FILIP1: variants seen among roughly 807,000 people sequenced by gnomAD.
FILIP1 encodes the protein filamin A interacting protein 1.
FILIP1 carries 61 observed loss-of-function variants against 102.1 expected under a neutral mutation model. The ratio of observed to expected loss-of-function variants is 0.60; its 90% CI spans 0.49 to 0.74. The LOEUF (loss-of-function observed/expected upper bound fraction) is 0.74, where lower values mean the gene tolerates loss of function less well. Among genes scored for constraint, FILIP1 ranks in the 30% least tolerant of loss-of-function variants. The pLI, the probability that FILIP1 is intolerant of heterozygous loss-of-function variation, is 0.00. For synonymous variants in FILIP1, 491 were observed against 526.9 expected, an observed-to-expected ratio of 0.93 and a Z score of 0.93; for missense variants, 1,314 against 1,441.2, an observed-to-expected ratio of 0.91 and a Z score of 1.43.
intron 1 of FILIP1, among the ~76,000 whole-genome samples, chr6:75,478,206 A>C (rs1562656196): frequency 6.6e-6 from 1 of 152,200 alleles, no homozygotes; most frequent in Non-Finnish European, 1.5e-5. Flanking sequence ...GCTTGGCTTA[A>C]AATGCTTCAT....
At chr6:75,310,984 T>A (rs1289662527) in intron 5 of FILIP1, among the ~76,000 whole-genome samples, 1 of 152,196 alleles carries the variant, frequency 6.6e-6, no homozygotes, top group African/African-American at 2.4e-5. Flanking sequence ...ATTTAAATTA[T>A]GAGCTTCCTG....
intron 6 of FILIP1, among the ~76,000 whole-genome samples, chr6:75,300,495 C>T (rs554373894): frequency 2.6e-4 from 39 of 152,310 alleles, no homozygotes; most frequent in Non-Finnish European, 5.3e-4. Flanking sequence ...CAAAAATGTC[C>T]TACATTCTAT....
intron 1 of FILIP1, among the ~76,000 whole-genome samples, chr6:75,487,825 T>TA (rs1411638126): frequency 6.6e-6 from 1 of 152,064 alleles, no homozygotes; most frequent in Non-Finnish European, 1.5e-5. Flanking sequence ...AGATTGCAAT[T>TA]ACAGTTTTTA....
exon 7 of FILIP1, chr6:75,295,140 G>C (rs1163428716): frequency 6.6e-6 from 1 of 152,046 alleles, no homozygotes; most frequent in Non-Finnish European, 1.5e-5. Context: ...AATGCAATCA[G>C]AAGTATAATT....
chr6:75,439,330 C>T (rs1778126762), intron 1 of FILIP1, among the ~76,000 whole-genome samples: 1 of 151,734 alleles, frequency 6.6e-6, no homozygotes, highest in Admixed American at 6.6e-5. Flanking sequence ...CACGCCACTG[C>T]ACTCCAGCCT....
intron 1 of FILIP1, among the ~76,000 whole-genome samples, chr6:75,451,646 T>A (rs1011740491): frequency 1.3e-5 from 2 of 151,088 alleles, no homozygotes; most frequent in Non-Finnish European, 3.0e-5. Flanking sequence ...GCCTAGCCAA[T>A]ATGGTGAAAT....
intron 3 of FILIP1, among the ~76,000 whole-genome samples, chr6:75,354,821 C>A (rs2149603767): frequency 6.6e-6 from 1 of 152,208 alleles, no homozygotes; most frequent in South Asian, 2.1e-4. Context: ...GTACATGCAC[C>A]AGACTTCTCC....
chr6:75,386,768 G>C (rs925019647), intron 2 of FILIP1, among the ~76,000 whole-genome samples: 6 of 152,122 alleles, frequency 3.9e-5, no homozygotes, highest in African/African-American at 1.4e-4. Flanking sequence ...GGTACTTTTA[G>C]AACTACCAGT....
Position 75,425,927 on chromosome 6 carries a change from C to T in FILIP1, c.-6-10949G>A, listed in dbSNP as rs189610113. Among the ~76,000 whole-genome samples, 3 of 152,282 alleles carry T rather than the reference C, an allele frequency of 2.0e-5. No homozygotes were observed. In the East Asian group the frequency reaches 5.8e-4, roughly 29 times the overall value. Reference sequence around the variant, plus strand: ...TAGCACCAGGGACAAAACTACTTTACTCTCAACTGTGAGCATCTAGCACAG... The same window carrying T: ...TAGCACCAGGGACAAAACTACTTTATTCTCAACTGTGAGCATCTAGCACAG... On this transcript the variant is annotated intron_variant, in intron 1 of 5. Transcript: ENST00000237172.
intron 2 of FILIP1, among the ~76,000 whole-genome samples, chr6:75,372,750 GAA>G (rs1300069502): frequency 7.8e-5 from 4 of 51,608 alleles, no homozygotes; most frequent in African/African-American, 1.8e-4. Flanking sequence ...AAGAAAGAAA[GAA>G]AGAAAGAAAG....
intron 1 of FILIP1, among the ~76,000 whole-genome samples, chr6:75,468,581 A>C (rs1779240381): frequency 6.6e-6 from 1 of 152,248 alleles, no homozygotes; most frequent in African/African-American, 2.4e-5. Context: ...AGAATGCAAT[A>C]AAAAGTGATG....
intron 4 of FILIP1, among the ~76,000 whole-genome samples, chr6:75,349,619 G>C (rs1774717947): frequency 6.6e-6 from 1 of 152,186 alleles, no homozygotes; most frequent in Admixed American, 6.5e-5. Context: ...AGCATGTAAA[G>C]GACTTGGAAC....
intron 1 of FILIP1, among the ~76,000 whole-genome samples, chr6:75,421,282 G>A (rs752905610): frequency 1.3e-5 from 2 of 152,158 alleles, no homozygotes; most frequent in Non-Finnish European, 1.5e-5. Context: ...GGTTAGATGA[G>A]TGGGAACGTA....
chr6:75,474,021 T>G (rs1323771571), intron 1 of FILIP1: 1 of 152,180 alleles, frequency 6.6e-6, no homozygotes, highest in Non-Finnish European at 1.5e-5. Flanking sequence ...ACTGATCCAT[T>G]AAATTATTTC....
chr6:75,308,619 G>T lies in FILIP1; in HGVS notation c.*72C>A. The T allele has an allele frequency of 6.3e-7, 1 of 1,594,984 alleles. No homozygotes were observed. Among genetic ancestry groups the T allele is most frequent in the Non-Finnish European group, 8.5e-7 (1 of 1,170,148 alleles). ...TTAAATTAGTACATGTAAAGAACTG[G>T]CACAAACAGATGAAGGTTCACTTTC... is the stretch of plus-strand genomic sequence containing the variant. On this transcript the variant is annotated 3_prime_UTR_variant, in exon 6 of 6. Transcript: ENST00000237172.
At chr6:75,320,139 G>A (rs1314786518) in intron 4 of FILIP1, among the ~76,000 whole-genome samples, 2 of 152,182 alleles carry the variant, frequency 1.3e-5, no homozygotes, top group Non-Finnish European at 2.9e-5. Context: ...ATTCCATGAG[G>A]GTAGCTGCCA....
chr6:75,454,481 TC>T (rs777593405), intron 1 of FILIP1, among the ~76,000 whole-genome samples: 23 of 152,170 alleles, frequency 1.5e-4, no homozygotes, highest in Non-Finnish European at 2.2e-4. Context: ...CCTAGTCACA[TC>T]TACAAAGTCT....
At chr6:75,434,485 CTG>C (rs1374829772) in intron 1 of FILIP1, among the ~76,000 whole-genome samples, 2 of 152,146 alleles carry the variant, frequency 1.3e-5, no homozygotes, top group Non-Finnish European at 2.9e-5. Context: ...ATTTGGCTCT[CTG>C]TTTGTCTATT....
At chr6:75,396,687 T>C (rs7748695) in intron 2 of FILIP1, among the ~76,000 whole-genome samples, 158 of 152,154 alleles carry the variant, frequency 1.0e-3, no homozygotes, top group African/African-American at 3.6e-3. Context: ...ATCTTAATAA[T>C]CACCTGTGTC....
Sources: gnomAD v4.1 joint callset for allele counts (sites outside exome capture counted in the v4.1 genomes callset) on GRCh38, gnomAD v4.1.1 for gene constraint, MANE v1.5 for transcripts, NCBI Gene and HGNC (gene_info 2026-07-23, HGNC 2026-07-21) for gene names.